Variants in NCOA2 observed in about 807,000 individuals in gnomAD.
NCOA2 encodes the protein nuclear receptor coactivator 2.
Under a neutral mutation model 145.1 loss-of-function variants are expected in NCOA2, and 21 were observed. The ratio of observed to expected loss-of-function variants is 0.14; its 90% CI spans 0.10 to 0.21. NCOA2 has a LOEUF of 0.21. Among genes scored for constraint, NCOA2 ranks in the 10% least tolerant of loss-of-function variants. The pLI is 1.00. For synonymous variants in NCOA2, 619 were observed against 637.5 expected (o/e 0.97, Z 0.44); for missense variants, 1,472 against 1,837.6 (o/e 0.80, Z 3.64).
intron 2 of NCOA2, among the ~76,000 whole-genome samples, chr8:70,246,282 A>C (rs543892236): frequency 6.6e-6 from 1 of 152,270 alleles, no homozygotes; most frequent in Admixed American, 6.5e-5. Flanking sequence ...TCACATTAAA[A>C]ATTGTTCTTA....
At chr8:70,333,631 G>A (rs909518190) in intron 1 of NCOA2, among the ~76,000 whole-genome samples, 6 of 152,116 alleles carry the variant, frequency 3.9e-5, no homozygotes, top group Non-Finnish European at 8.8e-5. Flanking sequence ...GAGAACCACT[G>A]GCCTAGGCAC....
chr8:70,374,708 G>A (rs1248233977), intron 1 of NCOA2, among the ~76,000 whole-genome samples: 1 of 151,562 alleles, frequency 6.6e-6, no homozygotes, highest in African/African-American at 2.4e-5. Flanking sequence ...AGGCTGAGGT[G>A]GGAAGATCGC....
At chr8:70,383,016 G>A (rs573041273) in intron 1 of NCOA2, among the ~76,000 whole-genome samples, 113 of 152,220 alleles carry the variant, frequency 7.4e-4, no homozygotes, top group East Asian at 1.4e-3. Flanking sequence ...AAACAAATAC[G>A]AAAAATTACA....
intron 4 of NCOA2, among the ~76,000 whole-genome samples, chr8:70,189,220 T>G (rs74711698): frequency 6.6e-6 from 1 of 152,294 alleles, no homozygotes; most frequent in East Asian, 1.9e-4. Context: ...TGCTAGGCTC[T>G]TAGGTGCCAC....
chr8:70,288,399 G>A (rs570275264), intron 2 of NCOA2, among the ~76,000 whole-genome samples: 21 of 152,134 alleles, frequency 1.4e-4, no homozygotes, highest in African/African-American at 4.6e-4. Flanking sequence ...GCCAAATGGC[G>A]AAACCCCATC....
intron 2 of NCOA2, among the ~76,000 whole-genome samples, chr8:70,236,979 T>C (rs1821668554): frequency 6.6e-6 from 1 of 152,210 alleles, no homozygotes; most frequent in Admixed American, 6.5e-5. Flanking sequence ...TACCATATTT[T>C]AAGCTCTTTG....
intron 1 of NCOA2, among the ~76,000 whole-genome samples, chr8:70,367,480 A>G (rs1810820074): frequency 1.3e-5 from 2 of 152,194 alleles, no homozygotes; most frequent in Non-Finnish European, 2.9e-5. Context: ...AGTTACACCA[A>G]TAACATATAT....
At chr8:70,169,113 C>T (rs948891692) in intron 6 of NCOA2, among the ~76,000 whole-genome samples, 1 of 152,100 alleles carries the variant, frequency 6.6e-6, no homozygotes, top group Non-Finnish European at 1.5e-5. Flanking sequence ...TCCTTCAATC[C>T]GTGAAGATGT....
At chr8:70,328,182 A>G (rs1806765422) in intron 1 of NCOA2, among the ~76,000 whole-genome samples, 1 of 152,218 alleles carries the variant, frequency 6.6e-6, no homozygotes, top group Non-Finnish European at 1.5e-5. Context: ...AACTTGGAAA[A>G]CCAAGAACTA....
At chr8:70,160,475 T>C (rs1812811863) in intron 9 of NCOA2, among the ~76,000 whole-genome samples, 1 of 152,154 alleles carries the variant, frequency 6.6e-6, no homozygotes, top group Non-Finnish European at 1.5e-5. Flanking sequence ...ATATCACCTA[T>C]TAAAAAAGAA....
chr8:70,200,327 A>T (rs1817755313), intron 4 of NCOA2, among the ~76,000 whole-genome samples: 2 of 152,162 alleles, frequency 1.3e-5, no homozygotes, highest in African/African-American at 4.8e-5. Context: ...GTTCAATATT[A>T]TGGGTCCTGG....
chr8:70,276,804 C>T (rs147054578), intron 2 of NCOA2, among the ~76,000 whole-genome samples: 6 of 152,168 alleles, frequency 3.9e-5, no homozygotes, highest in African/African-American at 1.2e-4. Context: ...TATATACACC[C>T]GTTAGTCTCA....
At chr8:70,170,172 G>C (rs1392684989) in intron 6 of NCOA2, 30 bp downstream of exon 6, 1 of 1,605,372 alleles carries the variant, frequency 6.2e-7, no homozygotes, top group Admixed American at 1.7e-5. Flanking sequence ...GGTGACGGGA[G>C]GTAGGGAGGG....
At chr8:70,356,348 C>T (rs1379071726) in intron 1 of NCOA2, among the ~76,000 whole-genome samples, 2 of 151,874 alleles carry the variant, frequency 1.3e-5, no homozygotes, top group Admixed American at 1.3e-4. Context: ...TTTTTTTCTT[C>T]CCAATAAGTA....
intron 10 of NCOA2, among the ~76,000 whole-genome samples, chr8:70,158,994 C>A (rs909578808): frequency 1.3e-5 from 2 of 151,300 alleles, no homozygotes; most frequent in African/African-American, 4.9e-5. Context: ...TCCTACTTTG[C>A]CAGTACAGTT....
intron 10 of NCOA2, among the ~76,000 whole-genome samples, chr8:70,158,104 C>T (rs905274288): frequency 2.0e-5 from 3 of 152,188 alleles, no homozygotes; most frequent in East Asian, 3.9e-4. Flanking sequence ...ATCAGCTTTT[C>T]GTTAGGTGGG....
chr8:70,233,215 G>A (rs1230191492), intron 2 of NCOA2, among the ~76,000 whole-genome samples: 1 of 151,466 alleles, frequency 6.6e-6, no homozygotes, highest in East Asian at 1.9e-4. Flanking sequence ...GACAGAGTGA[G>A]ACTCCGTTTA....
intron 1 of NCOA2, among the ~76,000 whole-genome samples, chr8:70,321,595 A>T (rs760194074): frequency 6.6e-6 from 1 of 152,120 alleles, no homozygotes; most frequent in Non-Finnish European, 1.5e-5. Flanking sequence ...CAGGCTGTGC[A>T]CATCCATTTT....
At chr8:70,168,038 CA>C (rs1813828932) in intron 6 of NCOA2, among the ~76,000 whole-genome samples, 1 of 151,486 alleles carries the variant, frequency 6.6e-6, no homozygotes, top group South Asian at 2.1e-4. Flanking sequence ...AACAGGAGAT[CA>C]AAAAAAGGGT....
Sources: allele counts gnomAD v4.1 joint callset (sites outside exome capture counted in the v4.1 genomes callset), GRCh38; gene constraint gnomAD v4.1.1; transcripts MANE v1.5; gene names NCBI Gene and HGNC (gene_info 2026-07-23, HGNC 2026-07-21).